Variants in ITGA8 observed in about 807,000 individuals in gnomAD.
ITGA8 encodes integrin alpha-8.
A neutral mutation model predicts 142.3 loss-of-function variants in ITGA8; 91 were observed. That is an observed-to-expected ratio of 0.64 (90% CI 0.54 to 0.76). The LOEUF (loss-of-function observed/expected upper bound fraction) is 0.76, where lower values mean the gene tolerates loss of function less well. Among genes scored for constraint, ITGA8 ranks in the 30% least tolerant of loss-of-function variants. The probability of loss-of-function intolerance (pLI) is 0.00; values close to 1 mark genes in which losing one functional copy is unlikely to be tolerated. For synonymous variants in ITGA8, 505 were observed against 485.2 expected (o/e 1.04, Z -0.54); for missense variants, 1,406 against 1,327.7 (o/e 1.06, Z -0.92).
At chr10:15,671,732 C>G in intron 7 of ITGA8, 85 bp from the exon 8 acceptor site, 1 of 978,144 alleles carries the variant, frequency 1.0e-6, no homozygotes, top group Non-Finnish European at 1.6e-6. Context: ...AAAGGGCTAC[C>G]ATGGTACTGC....
intron 2 of ITGA8, among the ~76,000 whole-genome samples, chr10:15,694,684 T>TATATATATATATATAC (rs1564412794): frequency 7.6e-6 from 1 of 132,216 alleles, no homozygotes; most frequent in East Asian, 2.3e-4. Flanking sequence ...TCGACATATA[T>TATATATATATATATAC]ATATATATAT....
At chr10:15,539,033 G>A (rs1325626144) in intron 27 of ITGA8, among the ~76,000 whole-genome samples, 2 of 142,490 alleles carry the variant, frequency 1.4e-5, no homozygotes, top group African/African-American at 5.2e-5. Context: ...ACTATACAAA[G>A]ATCTATGTGT....
At chr10:15,664,447 A>G (rs1157327305) in intron 8 of ITGA8, among the ~76,000 whole-genome samples, 1 of 152,128 alleles carries the variant, frequency 6.6e-6, no homozygotes, top group Non-Finnish European at 1.5e-5. Flanking sequence ...ATACCTTCCC[A>G]TGAAACTATG....
intron 23 of ITGA8, among the ~76,000 whole-genome samples, chr10:15,584,923 G>C (rs1395533022): frequency 6.6e-6 from 1 of 152,066 alleles, no homozygotes; most frequent in Admixed American, 6.5e-5. Context: ...CGGGCGTGGT[G>C]CATGCCTGTA....
At chr10:15,713,615 A>G (rs1038079793) in intron 2 of ITGA8, among the ~76,000 whole-genome samples, 5 of 152,160 alleles carry the variant, frequency 3.3e-5, no homozygotes, top group African/African-American at 9.7e-5. Context: ...TATGCAGCCA[A>G]TATGTTTCCC....
At chr10:15,616,340 G>T (rs988663378) in intron 14 of ITGA8, among the ~76,000 whole-genome samples, 174 bp downstream of exon 14, 4 of 152,124 alleles carry the variant, frequency 2.6e-5, no homozygotes, top group African/African-American at 9.7e-5. Flanking sequence ...TGCAGTATGA[G>T]AGTAAAAATG....
rs186720179 is a variant in ITGA8, at chr10:15,595,016, C to T, written c.2211+2191G>A. 3.4e-4 allele frequency among the ~76,000 whole-genome samples: 51 copies of T among 152,124 alleles called. No individual in the cohort carries two copies. In the East Asian group the frequency reaches 6.8e-3, roughly 20 times the overall value. ...AGATCTCATGGCATTGATTTTAAAG[C>T]GCTCTTATTGACCCCACCGTTTAAA... is the stretch of plus-strand genomic sequence containing the variant. On this transcript the variant is annotated intron_variant, in intron 21 of 29. Transcript: ENST00000378076.
In ITGA8 at chr10:15,548,580, A is replaced by C; in HGVS notation, c.2767-12T>G. The C allele has an allele frequency of 1.3e-6, 2 of 1,546,540 alleles. No homozygotes were observed. The highest frequency in any genetic ancestry group is 1.8e-6 in the Non-Finnish European group (2 of 1,121,132). On this transcript the variant is annotated splice_polypyrimidine_tract_variant and intron_variant, in intron 26 of 29. Transcript: ENST00000378076. ...ATATTTGTACAATTCTGCAAACAGC[A>C]GTGGGAACACGTCAGAGTCTTTAAA...
chr10:15,685,113 AGAGAGCATGTTCAT>A (rs1260929691), intron 3 of ITGA8, among the ~76,000 whole-genome samples: 1 of 152,220 alleles, frequency 6.6e-6, no homozygotes, highest in Non-Finnish European at 1.5e-5. Flanking sequence ...AAAGTCAGTA[AGAGAGCATGTTCAT>A]GAGCTACAAG....
intron 23 of ITGA8, among the ~76,000 whole-genome samples, chr10:15,579,621 T>C (rs1287129610): frequency 6.6e-6 from 1 of 152,030 alleles, no homozygotes; most frequent in Non-Finnish European, 1.5e-5. Context: ...AAAAATAAGA[T>C]AGTAGAAAAT....
intron 8 of ITGA8, among the ~76,000 whole-genome samples, chr10:15,663,558 A>G (rs1304602645): frequency 6.7e-6 from 1 of 149,256 alleles, no homozygotes; most frequent in Non-Finnish European, 1.5e-5. Context: ...TATTCTTGAG[A>G]GCTTTCCAAC....
intron 23 of ITGA8, among the ~76,000 whole-genome samples, chr10:15,580,239 A>C (rs947498442): frequency 2.0e-5 from 3 of 152,016 alleles, no homozygotes; most frequent in Admixed American, 6.6e-5. Flanking sequence ...CAATGAGAGA[A>C]TATTGTGAAC....
At chr10:15,518,905 G>C (rs1346764142) in intron 29 of ITGA8, among the ~76,000 whole-genome samples, 1 of 152,178 alleles carries the variant, frequency 6.6e-6, no homozygotes, top group Non-Finnish European at 1.5e-5. Context: ...AAGGATTGAT[G>C]ATAGGGCCAT....
At chr10:15,652,650 T>G (rs1018738902) in intron 11 of ITGA8, among the ~76,000 whole-genome samples, 1 of 152,226 alleles carries the variant, frequency 6.6e-6, no homozygotes, top group Admixed American at 6.5e-5. Flanking sequence ...AATAGCTACT[T>G]TATTTTTACA....
At chr10:15,708,615 A>G (rs1356666705) in intron 2 of ITGA8, among the ~76,000 whole-genome samples, 1 of 152,194 alleles carries the variant, frequency 6.6e-6, no homozygotes, top group African/African-American at 2.4e-5. Context: ...ACATTTCCCA[A>G]AGACAATCTG....
intron 15 of ITGA8, among the ~76,000 whole-genome samples, chr10:15,611,993 T>C (rs1378154404): frequency 6.6e-6 from 1 of 152,192 alleles, no homozygotes; most frequent in Non-Finnish European, 1.5e-5. Context: ...TTGGGGGAAA[T>C]ACTGAAGTTT....
chr10:15,704,180 T>C (rs1835216526), intron 2 of ITGA8, among the ~76,000 whole-genome samples: 1 of 152,198 alleles, frequency 6.6e-6, no homozygotes, highest in Admixed American at 6.5e-5. Context: ...TCCATCCCTG[T>C]TGCCACTTCC....
At chr10:15,646,822 C>A in intron 12 of ITGA8, 24 bp downstream of exon 12, 5 of 1,590,546 alleles carry the variant, frequency 3.1e-6, no homozygotes, top group Non-Finnish European at 4.3e-6. Flanking sequence ...ACATAAATGA[C>A]TTCCACGCTT....
chr10:15,545,684 G>T (rs1222574645), intron 27 of ITGA8, among the ~76,000 whole-genome samples: 2 of 149,360 alleles, frequency 1.3e-5, no homozygotes, highest in African/African-American at 4.9e-5. Context: ...TAGTTTGCCT[G>T]TTTTTTTTTT....
Sources: gnomAD v4.1 joint callset for allele counts (sites outside exome capture counted in the v4.1 genomes callset) on GRCh38, gnomAD v4.1.1 for gene constraint, MANE v1.5 for transcripts, NCBI Gene and HGNC (gene_info 2026-07-23, HGNC 2026-07-21) for gene names.